SPRYD4: variants seen among roughly 807,000 people sequenced by gnomAD.
The protein encoded by SPRYD4 is SPRY domain-containing protein 4.
Under a neutral mutation model 16.6 loss-of-function variants are expected in SPRYD4, and 12 were observed. The observed-to-expected ratio is 0.72, with a 90% confidence interval of 0.46 to 1.17. The LOEUF is 1.17. Ranked by LOEUF, SPRYD4 falls within the 50% of genes most tolerant of loss-of-function variation. The pLI is 0.00. For synonymous variants in SPRYD4, 98 were observed against 105.4 expected (o/e 0.93, Z 0.43); for missense variants, 260 against 260.2 (o/e 1.00, Z 0.00).
Position 56,471,710 on chromosome 12 carries a change from G to A in SPRYD4, c.*2133G>A. The stretch of plus-strand genomic sequence containing the variant: ...GAGTGGTGGTTGTATATATTTGCAT[G>A]GTGGCTGGAGGGTAGGTGGAGAAGC... On this transcript the variant is annotated 3_prime_UTR_variant, in exon 2 of 2. Transcript: ENST00000338146. 3 of 1,610,962 alleles carry A rather than the reference G, an allele frequency of 1.9e-6. No individual in the cohort carries two copies. The highest frequency in any genetic ancestry group is 1.7e-6 in the Non-Finnish European group (2 of 1,177,178).
Position 56,472,673 on chromosome 12 carries a change from G to A in SPRYD4, c.*3096G>A. 6.2e-7 allele frequency: 1 copy of A among 1,609,010 alleles called. No homozygotes were observed. Among genetic ancestry groups the A allele is most frequent in the Non-Finnish European group, 8.5e-7 (1 of 1,175,778 alleles). On this transcript the variant is annotated 3_prime_UTR_variant, in exon 2 of 2. Transcript: ENST00000338146. ...CAGGAGTATTTTATTGTGTATATTT[G>A]GTCACAGTAGCATTACCTTCGAAGA...
rs1291136965 is a variant in SPRYD4 at position 56,469,723 on chromosome 12, A to T, written c.*146A>T. ...GTGCAATATCATGATCATCTTCCTCATCCCCTACCTTGTGAAAGCTAGGCA... is the reference window on the plus strand; with the variant it reads ...GTGCAATATCATGATCATCTTCCTCTTCCCCTACCTTGTGAAAGCTAGGCA... On this transcript the variant is annotated 3_prime_UTR_variant, in exon 2 of 2. Transcript: ENST00000338146. 1.3e-6 allele frequency: 1 copy of T among 797,568 alleles called. No individual in the cohort carries two copies. The highest frequency in any genetic ancestry group is 1.7e-5 in the African/African-American group (1 of 57,468). The allele number at this position is 797,568 out of a possible 1,614,324, so 49.4% of individuals were successfully genotyped here.
Position 56,479,362 on chromosome 12 carries a change from G to A in SPRYD4, c.*9785G>A. 3 of 664,172 alleles carry A rather than the reference G, an allele frequency of 4.5e-6. No individual in the cohort carries two copies. Among genetic ancestry groups the A allele is most frequent in the Middle Eastern group, 4.3e-4 (1 of 2,300 alleles). 41.1% of individuals were successfully genotyped at this position (664,172 alleles called of 1,614,324 possible). ...CTTAGTTTCCGTACCTCTAAAATGA[G>A]GGGTTTTAATGATGTGGAAAGACAC... On this transcript the variant is annotated 3_prime_UTR_variant, in exon 2 of 2. Transcript: ENST00000338146.
Position 56,479,681 on chromosome 12 carries a change from G to C in SPRYD4, c.*10104G>C. The C allele has an allele frequency of 7.6e-7, 1 of 1,319,512 alleles. No homozygotes were observed. Among genetic ancestry groups the C allele is most frequent in the Non-Finnish European group, 1.0e-6 (1 of 995,616 alleles). 81.7% of individuals were successfully genotyped at this position (1,319,512 alleles called of 1,614,324 possible). A position where few individuals can be genotyped will look rare whatever the true frequency, so the allele number is the denominator to read the frequency against. On this transcript the variant is annotated 3_prime_UTR_variant, in exon 2 of 2. Transcript: ENST00000338146. ...GTAATAAGTAATAAAATAAAATGAG[G>C]AATTGAACTATACAATTCCCAAATT...
chr12:56,473,366 A>G lies in SPRYD4; in HGVS notation c.*3789A>G. 1 of 1,605,266 alleles carries G rather than the reference A, an allele frequency of 6.2e-7. No homozygotes were observed. The highest frequency in any genetic ancestry group is 8.5e-7 in the Non-Finnish European group (1 of 1,174,990). On this transcript the variant is annotated 3_prime_UTR_variant, in exon 2 of 2. Transcript: ENST00000338146. ...TATTGTTTATTTACTCCTTACACTT[A>G]GTAGGAGCTCAAAATTGCTTTATTA...
chr12:56,471,966 C>T lies in SPRYD4; in HGVS notation c.*2389C>T, dbSNP rs1869315530. 2.4e-6 allele frequency: 3 copies of T among 1,274,996 alleles called. No individual in the cohort carries two copies. The highest frequency in any genetic ancestry group is 2.5e-5 in the South Asian group (2 of 80,426). The allele number at this position is 1,274,996 out of a possible 1,614,324, so 79.0% of individuals were successfully genotyped here. ...TCTTCCCATTTTGTACCCTGCAGCACTCAGTCATAGTCTAGCTGCAAACCG... is the reference window on the plus strand; with the variant it reads ...TCTTCCCATTTTGTACCCTGCAGCATTCAGTCATAGTCTAGCTGCAAACCG... On this transcript the variant is annotated 3_prime_UTR_variant, in exon 2 of 2. Transcript: ENST00000338146.
Position 56,478,433 on chromosome 12 carries a change from A to G in SPRYD4, c.*8856A>G, listed in dbSNP as rs1870015748. ...GAAATGCCCGAGCCTTAAGTCCTAG[A>G]AGGCCATATCTTTGTGTATCCGCAA... is the stretch of plus-strand genomic sequence containing the variant. On this transcript the variant is annotated 3_prime_UTR_variant, in exon 2 of 2. Transcript: ENST00000338146. 4 of 640,808 alleles carry G rather than the reference A, an allele frequency of 6.2e-6. No individual in the cohort carries two copies. The highest frequency in any genetic ancestry group is 1.1e-5 in the Non-Finnish European group (4 of 365,108). 39.7% of individuals were successfully genotyped at this position (640,808 alleles called of 1,614,324 possible).
Position 56,478,142 on chromosome 12 carries a change from A to G in SPRYD4, c.*8565A>G. On this transcript the variant is annotated 3_prime_UTR_variant, in exon 2 of 2. Coordinates refer to ENST00000338146, the MANE Select transcript of SPRYD4 (RefSeq NM_207344.4). ...TGAAAGGGGTTGGCCTGTGTTCGGC[A>G]CCTGTGCCCTGCCTCCCCTTCCTCT... The G allele has an allele frequency of 2.5e-6, 4 of 1,614,130 alleles. No individual in the cohort carries two copies. In the South Asian group the frequency reaches 4.4e-5, roughly 18 times the overall value.
At position 56,479,459 on chromosome 12, in the gene SPRYD4, A is replaced by C; in HGVS notation, c.*9882A>C. 1 of 393,956 alleles carries C rather than the reference A, an allele frequency of 2.5e-6. No homozygotes were observed. The highest frequency in any genetic ancestry group is 4.4e-6 in the Non-Finnish European group (1 of 225,748). 24.4% of individuals were successfully genotyped at this position (393,956 alleles called of 1,614,324 possible). On this transcript the variant is annotated 3_prime_UTR_variant, in exon 2 of 2. Transcript: ENST00000338146. The stretch of plus-strand genomic sequence containing the variant: ...ATGTATGTTACCTTGATATTTAAAA[A>C]ATCCTAAATCATAAAAGTATATTTA...
chr12:56,477,841 A>C lies in SPRYD4; in HGVS notation c.*8264A>C, dbSNP rs1869956815. 6.5e-7 allele frequency: 1 copy of C among 1,544,112 alleles called. No individual in the cohort carries two copies. The highest frequency in any genetic ancestry group is 1.4e-5 in the African/African-American group (1 of 73,014). On this transcript the variant is annotated 3_prime_UTR_variant, in exon 2 of 2. Coordinates refer to ENST00000338146, the MANE Select transcript of SPRYD4 (RefSeq NM_207344.4). ...GAAAGGCATGACAGGGCTAATCAGG[A>C]AGGGCAGAGAAACAAAAAAGGCTGG...
chr12:56,474,887 TAGGAAAGC>T lies in SPRYD4; in HGVS notation c.*5312_*5319del. ...AGGGCAGCCATCATGTCCACCCCCT[TAGGAAAGC>T]ACTGCAAGGAAGAGAGGGGAGAGCA... is the stretch of plus-strand genomic sequence containing the variant. On this transcript the variant is annotated 3_prime_UTR_variant, in exon 2 of 2. Coordinates refer to ENST00000338146, the MANE Select transcript of SPRYD4 (RefSeq NM_207344.4). 1 of 1,614,064 alleles carries T rather than the reference TAGGAAAGC, an allele frequency of 6.2e-7. No homozygotes were observed. Among genetic ancestry groups the T allele is most frequent in the Non-Finnish European group, 8.5e-7 (1 of 1,179,988 alleles).
In SPRYD4 at chr12:56,478,265, G is replaced by T. The variant is rs970310309; in HGVS notation, c.*8688G>T. 9 of 1,613,962 alleles carry T rather than the reference G, an allele frequency of 5.6e-6. No individual in the cohort carries two copies. The highest frequency in any genetic ancestry group is 7.6e-6 in the Non-Finnish European group (9 of 1,179,930). ...AGCTGAGGGATGTAGGCTGCCACCT[G>T]GACATGAGTGGGTAGAGAAAAGGGA... On this transcript the variant is annotated 3_prime_UTR_variant, in exon 2 of 2. Transcript: ENST00000338146.
Position 56,474,758 on chromosome 12 carries a change from C to A in SPRYD4, c.*5181C>A. 6.2e-7 allele frequency: 1 copy of A among 1,610,820 alleles called. No individual in the cohort carries two copies. The highest frequency in any genetic ancestry group is 8.5e-7 in the Non-Finnish European group (1 of 1,177,834). On this transcript the variant is annotated 3_prime_UTR_variant, in exon 2 of 2. Coordinates refer to ENST00000338146, the MANE Select transcript of SPRYD4 (RefSeq NM_207344.4). Reference sequence around the variant, plus strand: ...AGAATAGGTGAAGATGTGACGTGAACCTGCACATGGGACCCTCGGGTGTAG... The same window carrying A: ...AGAATAGGTGAAGATGTGACGTGAAACTGCACATGGGACCCTCGGGTGTAG...
At chr12:56,479,705 TTCC>T (rs1412217056) in exon 2 of SPRYD4, 37 of 1,479,692 alleles carry the variant, frequency 2.5e-5, no homozygotes, top group Non-Finnish European at 3.3e-5. Context: ...AATTCCCAAA[TTCC>T]TCCCTGCTCT....
In SPRYD4 at chr12:56,472,524, C is replaced by CT. The variant is rs151260400; in HGVS notation, c.*2954dup. The stretch of plus-strand genomic sequence containing the variant: ...TAATTATCATAGAGCAGACAGTTTA[C>CT]TTTTTTTAAAAAAAATCTCCTTTTT... On this transcript the variant is annotated 3_prime_UTR_variant, in exon 2 of 2. Coordinates refer to ENST00000338146, the MANE Select transcript of SPRYD4 (RefSeq NM_207344.4). 6.5e-3 allele frequency: 4,226 copies of CT among 648,706 alleles called. 32 individuals are homozygous for CT. The highest frequency in any genetic ancestry group is 9.2e-3 in the Middle Eastern group (23 of 2,490). 40.2% of individuals were successfully genotyped at this position (648,706 alleles called of 1,614,324 possible). A position where few individuals can be genotyped will look rare whatever the true frequency, so the allele number is the denominator to read the frequency against.
chr12:56,473,721 CTTG>C lies in SPRYD4; in HGVS notation c.*4147_*4149del. 8.5e-7 allele frequency: 1 copy of C among 1,173,928 alleles called. No homozygotes were observed. Among genetic ancestry groups the C allele is most frequent in the Non-Finnish European group, 1.2e-6 (1 of 865,194 alleles). 72.7% of individuals were successfully genotyped at this position (1,173,928 alleles called of 1,614,324 possible). A position where few individuals can be genotyped will look rare whatever the true frequency, so the allele number is the denominator to read the frequency against. On this transcript the variant is annotated 3_prime_UTR_variant, in exon 2 of 2. Transcript: ENST00000338146. ...ACCACAATCCACCTCAACCTTTTGG[CTTG>C]TTAATTAGCTTCTTTTATTACTCCT... is the stretch of plus-strand genomic sequence containing the variant.
Position 56,473,133 on chromosome 12 carries a change from C to T in SPRYD4, c.*3556C>T, listed in dbSNP as rs985674566. 8 of 1,118,096 alleles carry T rather than the reference C, an allele frequency of 7.2e-6. No homozygotes were observed. The African/African-American group carries it at 1.1e-4, about 15-fold the overall frequency. The allele number at this position is 1,118,096 out of a possible 1,614,324, so 69.3% of individuals were successfully genotyped here. A position where few individuals can be genotyped will look rare whatever the true frequency, so the allele number is the denominator to read the frequency against. ...CTTGATCTCCTGACCTTGTGATCCGCCCGCCTTGGCCTCTCAAAGTGCAGG... is the reference window on the plus strand; with the variant it reads ...CTTGATCTCCTGACCTTGTGATCCGTCCGCCTTGGCCTCTCAAAGTGCAGG... On this transcript the variant is annotated 3_prime_UTR_variant, in exon 2 of 2. Coordinates refer to ENST00000338146, the MANE Select transcript of SPRYD4 (RefSeq NM_207344.4).
Position 56,475,977 on chromosome 12 carries a change from T to C in SPRYD4, c.*6400T>C, listed in dbSNP as rs779386631. ...AACTTCTCTGCTTTGTTACAGTCCA[T>C]CTGCAGAGAAAGAGAGAGATGTCAG... On this transcript the variant is annotated 3_prime_UTR_variant, in exon 2 of 2. Transcript: ENST00000338146. The C allele has an allele frequency of 1.9e-6, 3 of 1,613,028 alleles. No homozygotes were observed. Among genetic ancestry groups the C allele is most frequent in the Non-Finnish European group, 2.5e-6 (3 of 1,179,926 alleles).
rs1175430498 is a variant in SPRYD4 at position 56,472,568 on chromosome 12, A to G, written c.*2991A>G. 7 of 851,500 alleles carry G rather than the reference A, an allele frequency of 8.2e-6. No individual in the cohort carries two copies. Among genetic ancestry groups the G allele is most frequent in the South Asian group, 3.2e-5 (2 of 61,620 alleles). 52.7% of individuals were successfully genotyped at this position (851,500 alleles called of 1,614,324 possible). On this transcript the variant is annotated 3_prime_UTR_variant, in exon 2 of 2. Transcript: ENST00000338146. Reference sequence around the variant, plus strand: ...CCTTTTTTAAAAAAATTTCATTTAAATGCAATCTATATCCATTCTAATTCC... The same window carrying G: ...CCTTTTTTAAAAAAATTTCATTTAAGTGCAATCTATATCCATTCTAATTCC...
Sources: gnomAD v4.1 joint callset for allele counts on GRCh38, gnomAD v4.1.1 for gene constraint, MANE v1.5 for transcripts, NCBI Gene and HGNC (gene_info 2026-07-23, HGNC 2026-07-21) for gene names.